Variants in GABRG3 observed in about 807,000 individuals in gnomAD.
GABRG3 encodes the protein gamma-aminobutyric acid type A receptor subunit gamma3.
In GABRG3, 25 loss-of-function variants were observed where a neutral mutation model predicts 48.8. The ratio of observed to expected loss-of-function variants is 0.51; its 90% confidence interval spans 0.37 to 0.72. GABRG3 has a LOEUF of 0.72. Ranked by LOEUF, GABRG3 falls within the 30% of genes least tolerant of loss-of-function variation. The pLI is 0.00. For synonymous variants in GABRG3, 227 were observed against 217.6 expected, an observed-to-expected ratio of 1.04 and a Z score of -0.38; for missense variants, 394 against 577.9, an observed-to-expected ratio of 0.68 and a Z score of 3.26.
intron 3 of GABRG3, among the ~76,000 whole-genome samples, chr15:27,233,426 C>A (rs1386657238): frequency 6.6e-6 from 1 of 152,098 alleles, no homozygotes; most frequent in Non-Finnish European, 1.5e-5. Context: ...ACATTGACTT[C>A]TCACGGTTCT....
intron 5 of GABRG3, among the ~76,000 whole-genome samples, chr15:27,393,144 G>T (rs1486933572): frequency 6.6e-6 from 1 of 152,024 alleles, no homozygotes; most frequent in Non-Finnish European, 1.5e-5. Context: ...AGGAGATTGA[G>T]ACCATCCTGG....
chr15:27,290,878 C>A (rs1019215680), intron 3 of GABRG3, among the ~76,000 whole-genome samples: 1 of 152,072 alleles, frequency 6.6e-6, no homozygotes, highest in African/African-American at 2.4e-5. Flanking sequence ...ATATACCATA[C>A]TAATGTAATA....
At chr15:27,520,196 A>G in intron 7 of GABRG3, 72 bp downstream of exon 7, 1 of 1,339,346 alleles carries the variant, frequency 7.5e-7, no homozygotes. Flanking sequence ...AAATACCTTC[A>G]ATGTAAAAGA....
At chr15:27,473,960 T>C (rs1889859985) in intron 5 of GABRG3, among the ~76,000 whole-genome samples, 2 of 152,210 alleles carry the variant, frequency 1.3e-5, no homozygotes, top group Admixed American at 6.5e-5. Flanking sequence ...GGTTCAAAAA[T>C]CAGGAAATGC....
At chr15:27,383,524 G>A (rs1895838816) in intron 5 of GABRG3, among the ~76,000 whole-genome samples, 1 of 151,984 alleles carries the variant, frequency 6.6e-6, no homozygotes, top group Non-Finnish European at 1.5e-5. Context: ...TTGTTTCCCA[G>A]TCATCTGTCC....
chr15:26,975,623 C>T lies in GABRG3; in HGVS notation c.54-1379C>T, dbSNP rs2140632671. Among the ~76,000 whole-genome samples the T allele has an allele frequency of 6.6e-6, 1 of 152,130 alleles. No individual in the cohort carries two copies. The highest frequency in any genetic ancestry group is 1.9e-4 in the East Asian group (1 of 5,172). ...TATGCATGTGCATATATATGAAGAC[C>T]TAAATTAAGTGGAAAAAATGAATAT... On this transcript the variant is annotated intron_variant, in intron 1 of 9. Coordinates refer to ENST00000615808, the MANE Select transcript of GABRG3 (RefSeq NM_033223.5). The surrounding 1 kb of genome is among the most constrained non-coding windows in gnomAD (Gnocchi z 4.6).
intron 5 of GABRG3, among the ~76,000 whole-genome samples, chr15:27,405,288 G>A (rs1887596878): frequency 6.6e-6 from 1 of 152,104 alleles, no homozygotes; most frequent in Admixed American, 6.5e-5. Flanking sequence ...ATATCTCTAT[G>A]ACCACTAAAT....
At chr15:27,296,891 G>T (rs1254680985) in intron 3 of GABRG3, among the ~76,000 whole-genome samples, 3 of 149,532 alleles carry the variant, frequency 2.0e-5, no homozygotes, top group South Asian at 2.1e-4. Flanking sequence ...TCTCAGGCAG[G>T]TCCAGGTATC....
chr15:27,483,719 C>G (rs1890152318), intron 6 of GABRG3, among the ~76,000 whole-genome samples: 1 of 152,168 alleles, frequency 6.6e-6, no homozygotes, highest in South Asian at 2.1e-4. Flanking sequence ...ATGAGTACAG[C>G]TGGTGGATGG....
At chr15:27,442,193 C>T (rs1461302512) in intron 5 of GABRG3, among the ~76,000 whole-genome samples, 1 of 152,154 alleles carries the variant, frequency 6.6e-6, no homozygotes, top group African/African-American at 2.4e-5. Context: ...AGGTGATGCA[C>T]CAAGCCGGGC....
Position 27,460,662 on chromosome 15 carries a change from C to A in GABRG3, c.575-19988C>A, listed in dbSNP as rs559736000. The stretch of plus-strand genomic sequence containing the variant: ...GGTCAGAGGTGGATTCAGAGACTCT[C>A]TGATTTGTGATCGGCTAAGGAAGTG... On this transcript the variant is annotated intron_variant, in intron 5 of 9. Transcript: ENST00000615808. Among the ~76,000 whole-genome samples, 56 of 152,292 alleles carry A rather than the reference C, an allele frequency of 3.7e-4. No individual in the cohort carries two copies. In the South Asian group the frequency reaches 0.011, roughly 30 times the overall value.
At chr15:27,178,399 A>G (rs1354152501) in intron 3 of GABRG3, among the ~76,000 whole-genome samples, 1 of 152,222 alleles carries the variant, frequency 6.6e-6, no homozygotes, top group Non-Finnish European at 1.5e-5. Flanking sequence ...CTGGAAAGCC[A>G]TGCTTGGCAT....
rs1457783829 is a variant in GABRG3, at chr15:27,536,539, C to CA, written c.*3660dup. ...TCTTACCCTTAATTTTACATCAAAC[C>CA]AATTAAGTACAAAGATTTTGCAGGC... is the stretch of plus-strand genomic sequence containing the variant. On this transcript the variant is annotated 3_prime_UTR_variant, in exon 10 of 10. Coordinates refer to ENST00000615808, the MANE Select transcript of GABRG3 (RefSeq NM_033223.5). The CA allele has an allele frequency of 6.6e-6, 1 of 152,158 alleles. No homozygotes were observed. Among genetic ancestry groups the CA allele is most frequent in the Admixed American group, 6.5e-5 (1 of 15,272 alleles). 9.4% of individuals were successfully genotyped at this position (152,158 alleles called of 1,614,324 possible).
chr15:27,350,867 C>T (rs1224888699), intron 5 of GABRG3, among the ~76,000 whole-genome samples: 2 of 126,656 alleles, frequency 1.6e-5, no homozygotes, highest in African/African-American at 6.1e-5. Flanking sequence ...ATGTATTTGT[C>T]CTTGTGAATG....
At chr15:27,410,833 C>A (rs1344917016) in intron 5 of GABRG3, among the ~76,000 whole-genome samples, 2 of 142,134 alleles carry the variant, frequency 1.4e-5, no homozygotes, top group Admixed American at 7.5e-5. Flanking sequence ...AGAGAGCACA[C>A]GTGCGCACGC....
chr15:27,102,747 A>G (rs1469398734), intron 3 of GABRG3, among the ~76,000 whole-genome samples: 2 of 152,214 alleles, frequency 1.3e-5, no homozygotes, highest in East Asian at 3.8e-4. Context: ...AAAAGTACTA[A>G]CAAGTAAATA....
At chr15:27,173,497 C>A (rs1309161420) in intron 3 of GABRG3, among the ~76,000 whole-genome samples, 1 of 152,090 alleles carries the variant, frequency 6.6e-6, no homozygotes, top group Non-Finnish European at 1.5e-5. Flanking sequence ...TAAGAGTTTT[C>A]TTTTCACCTG....
At chr15:27,086,747 A>G (rs1217834100) in intron 3 of GABRG3, among the ~76,000 whole-genome samples, 1 of 152,208 alleles carries the variant, frequency 6.6e-6, no homozygotes, top group Non-Finnish European at 1.5e-5. Context: ...TATTTCTGTC[A>G]GATTGAAAAT....
chr15:27,531,006 T>C, intron 9 of GABRG3: 1 of 276,294 alleles, frequency 3.6e-6, no homozygotes, highest in South Asian at 3.4e-5. Context: ...TGCTTGGCGA[T>C]GTTTACACCC....
Sources: gnomAD v4.1 joint callset for allele counts (sites outside exome capture counted in the v4.1 genomes callset) on GRCh38, gnomAD v4.1.1 for gene constraint, Gnocchi (gnomAD v3.1) non-coding constraint, MANE v1.5 for transcripts, NCBI Gene and HGNC (gene_info 2026-07-23, HGNC 2026-07-21) for gene names.